DIP2B: variants seen among roughly 807,000 people sequenced by gnomAD.
DIP2B encodes the protein disco-interacting protein 2 homolog B.
DIP2B carries 76 observed loss-of-function variants against 198.0 expected under a neutral mutation model. That is an observed-to-expected ratio of 0.38 (90% CI 0.32 to 0.46). The LOEUF (loss-of-function observed/expected upper bound fraction) is 0.46. Ranked by LOEUF, DIP2B falls within the 20% of genes least tolerant of loss-of-function variation. The probability of loss-of-function intolerance (pLI) is 0.99; values close to 1 mark genes in which losing one functional copy is unlikely to be tolerated. For synonymous variants in DIP2B, 701 were observed against 739.1 expected (o/e 0.95, Z 0.84); for missense variants, 1,559 against 1,978.4 (o/e 0.79, Z 4.02).
chr12:50,590,234 G>A (rs1958807507), intron 1 of DIP2B, among the ~76,000 whole-genome samples: 1 of 151,778 alleles, frequency 6.6e-6, no homozygotes, highest in Admixed American at 6.6e-5. Context: ...CCTGGGCTCA[G>A]GCGAGCCTTC....
At chr12:50,603,654 C>T (rs1056567674) in intron 1 of DIP2B, among the ~76,000 whole-genome samples, 2 of 150,944 alleles carry the variant, frequency 1.3e-5, no homozygotes, top group African/African-American at 4.9e-5. Context: ...CCCAGGAGGT[C>T]GAGGTTGCAG....
chr12:50,703,896 CATTT>C (rs1284454842), intron 19 of DIP2B, among the ~76,000 whole-genome samples: 6 of 149,060 alleles, frequency 4.0e-5, no homozygotes, highest in African/African-American at 1.2e-4. Flanking sequence ...AAACTCAGCA[CATTT>C]ATTTATATAT....
chr12:50,683,405 T>C (rs773825331), intron 10 of DIP2B, among the ~76,000 whole-genome samples, 157 bp downstream of exon 10: 1 of 152,252 alleles, frequency 6.6e-6, no homozygotes, highest in Non-Finnish European at 1.5e-5. Flanking sequence ...AAAAATTATT[T>C]ATTAAATATT....
intron 1 of DIP2B, among the ~76,000 whole-genome samples, chr12:50,548,451 G>A (rs917560633): frequency 1.3e-5 from 2 of 152,168 alleles, no homozygotes; most frequent in Non-Finnish European, 2.9e-5. Flanking sequence ...CAGAGTAACT[G>A]CAGTCTGACA....
At chr12:50,621,582 A>G (rs890889135) in intron 1 of DIP2B, among the ~76,000 whole-genome samples, 3 of 152,198 alleles carry the variant, frequency 2.0e-5, no homozygotes, top group Non-Finnish European at 4.4e-5. Context: ...ACAAGACACA[A>G]TCCCTGCCCT....
At chr12:50,570,099 A>T (rs1958600190) in intron 1 of DIP2B, among the ~76,000 whole-genome samples, 1 of 152,184 alleles carries the variant, frequency 6.6e-6, no homozygotes, top group South Asian at 2.1e-4. Context: ...TGATTGCTTT[A>T]TCACTTCTGA....
intron 23 of DIP2B, 54 bp downstream of exon 23, chr12:50,714,650 G>T: frequency 6.3e-7 from 1 of 1,596,500 alleles, no homozygotes; most frequent in Non-Finnish European, 8.6e-7. Flanking sequence ...CAAGAAGCTG[G>T]GTTCTCTCAG....
At chr12:50,521,094 GTTT>G (rs386376482) in intron 1 of DIP2B, among the ~76,000 whole-genome samples, 48,536 of 94,812 alleles carry the variant, frequency 0.51, 9,461 homozygotes, top group South Asian at 0.63. Flanking sequence ...TTCAGCAACA[GTTT>G]TTTTTTTTTT....
At chr12:50,507,072 C>T (rs1004410615) in intron 1 of DIP2B, among the ~76,000 whole-genome samples, 24 of 152,302 alleles carry the variant, frequency 1.6e-4, no homozygotes, top group African/African-American at 5.5e-4. Flanking sequence ...CTAGGACCCA[C>T]ACTGATTAGC....
At chr12:50,730,469 T>C (rs1427984615) in intron 30 of DIP2B, among the ~76,000 whole-genome samples, 3 of 150,426 alleles carry the variant, frequency 2.0e-5, no homozygotes. Flanking sequence ...CACTGCAGCC[T>C]CTCGGGCTCA....
chr12:50,628,293 C>T (rs1937975942), intron 2 of DIP2B, among the ~76,000 whole-genome samples: 1 of 152,068 alleles, frequency 6.6e-6, no homozygotes, highest in Non-Finnish European at 1.5e-5. Context: ...ATTGCTTGAA[C>T]CCAGGAGGCA....
At chr12:50,521,168 G>A (rs1958114780) in intron 1 of DIP2B, among the ~76,000 whole-genome samples, 1 of 142,440 alleles carries the variant, frequency 7.0e-6, no homozygotes, top group South Asian at 2.3e-4. Flanking sequence ...GTACAGTGGC[G>A]CGATGTCAGG....
chr12:50,603,671 A>G (rs1040029313), intron 1 of DIP2B, among the ~76,000 whole-genome samples: 2 of 151,688 alleles, frequency 1.3e-5, no homozygotes, highest in African/African-American at 2.4e-5. Context: ...GCAGCAAGCC[A>G]TGATCATACC....
intron 24 of DIP2B, 52 bp downstream of exon 24, chr12:50,718,870 T>TA (rs1939782319): frequency 1.9e-6 from 3 of 1,611,254 alleles, no homozygotes; most frequent in Admixed American, 1.7e-5. Flanking sequence ...GGACAGAACT[T>TA]ACTGCAGGTA....
intron 1 of DIP2B, among the ~76,000 whole-genome samples, chr12:50,533,614 CT>C (rs111296788): frequency 1.4e-4 from 20 of 146,246 alleles, no homozygotes; most frequent in Admixed American, 2.7e-4. Flanking sequence ...AACTTTTTTC[CT>C]TTTTTTTTTT....
intron 11 of DIP2B, 139 bp from the exon 12 acceptor site, chr12:50,686,432 TAA>T: frequency 1.4e-6 from 1 of 721,882 alleles, no homozygotes; most frequent in Non-Finnish European, 2.2e-6. Flanking sequence ...GATTTGCCAC[TAA>T]AAACTAATAA....
chr12:50,705,442 A>C (rs918926295), intron 20 of DIP2B, among the ~76,000 whole-genome samples: 1 of 152,162 alleles, frequency 6.6e-6, no homozygotes, highest in African/African-American at 2.4e-5. Context: ...CAAGCCTTTC[A>C]TCTGTATTCC....
intron 1 of DIP2B, among the ~76,000 whole-genome samples, chr12:50,548,181 A>G (rs1958393839): frequency 1.3e-5 from 2 of 152,158 alleles, no homozygotes. Context: ...AGAGTAAGGA[A>G]CTTTTACTTC....
intron 12 of DIP2B, among the ~76,000 whole-genome samples, chr12:50,690,159 T>C (rs1939198669): frequency 6.6e-6 from 1 of 151,376 alleles, no homozygotes; most frequent in African/African-American, 2.4e-5. Flanking sequence ...TGATCTCGGC[T>C]CACTGCAAGC....
Sources: allele counts gnomAD v4.1 joint callset (sites outside exome capture counted in the v4.1 genomes callset), GRCh38; gene constraint gnomAD v4.1.1; transcripts MANE v1.5; gene names NCBI Gene and HGNC (gene_info 2026-07-23, HGNC 2026-07-21).